PRDM5: variants seen among roughly 807,000 people sequenced by gnomAD.
PRDM5 encodes PR domain zinc finger protein 5.
PRDM5 carries 56 observed loss-of-function variants against 81.2 expected under a neutral mutation model. That is an observed-to-expected ratio of 0.69 (90% CI 0.56 to 0.86). The LOEUF is 0.86. PRDM5 is among the 40% of genes least tolerant of loss of function. PRDM5 has a pLI of 0.00. For synonymous variants in PRDM5, 267 were observed against 256.4 expected (o/e 1.04, Z -0.39); for missense variants, 697 against 770.1 (o/e 0.91, Z 1.12).
chr4:120,875,586 A>C (rs1015886787), intron 2 of PRDM5, among the ~76,000 whole-genome samples: 4 of 152,212 alleles, frequency 2.6e-5, no homozygotes, highest in African/African-American at 9.7e-5. Flanking sequence ...TTCCACAAGA[A>C]AACTGGCCAT....
intron 2 of PRDM5, among the ~76,000 whole-genome samples, chr4:120,878,299 A>T (rs2148570631): frequency 6.6e-6 from 1 of 152,350 alleles, no homozygotes; most frequent in Non-Finnish European, 1.5e-5. Context: ...AAGGAAAAGC[A>T]ATTCAATGGG....
intron 14 of PRDM5, among the ~76,000 whole-genome samples, chr4:120,727,793 C>T (rs552473374): frequency 6.6e-6 from 1 of 151,986 alleles, no homozygotes; most frequent in South Asian, 2.1e-4. Flanking sequence ...AAAAAATTAG[C>T]TGGACAGTGG....
At chr4:120,908,300 T>A (rs989211568) in intron 1 of PRDM5, among the ~76,000 whole-genome samples, 2 of 152,176 alleles carry the variant, frequency 1.3e-5, no homozygotes, top group East Asian at 3.9e-4. Flanking sequence ...TGGGAATGAG[T>A]TGAATTTGTC....
chr4:120,872,552 A>G (rs1246424013), intron 2 of PRDM5, among the ~76,000 whole-genome samples: 1 of 152,170 alleles, frequency 6.6e-6, no homozygotes. Flanking sequence ...AGAAATTGAG[A>G]CCAGTCTGGG....
chr4:120,836,954 A>T, intron 3 of PRDM5, among the ~76,000 whole-genome samples: 1 of 152,190 alleles, frequency 6.6e-6, no homozygotes, highest in East Asian at 1.9e-4. Context: ...ATAAAGGGCT[A>T]TGTGCCACAA....
intron 14 of PRDM5, among the ~76,000 whole-genome samples, chr4:120,733,101 C>T (rs1740506231): frequency 6.6e-6 from 1 of 152,128 alleles, no homozygotes; most frequent in South Asian, 2.1e-4. Context: ...TAGGTAAGTT[C>T]AAGGGATAGA....
chr4:120,775,999 A>C (rs185809540), intron 13 of PRDM5, among the ~76,000 whole-genome samples: 1 of 152,108 alleles, frequency 6.6e-6, no homozygotes, highest in Non-Finnish European at 1.5e-5. Context: ...TTTTAAGTAC[A>C]CCTGCCCTCA....
chr4:120,885,020 G>A (rs1010298497), intron 2 of PRDM5, among the ~76,000 whole-genome samples: 7 of 150,672 alleles, frequency 4.6e-5, no homozygotes, highest in African/African-American at 1.7e-4. Flanking sequence ...CACGATGGTG[G>A]GCTACTCGAG....
downstream of PRDM5, among the ~76,000 whole-genome samples, chr4:120,691,525 C>T (rs1435904260): frequency 6.6e-6 from 1 of 152,058 alleles, no homozygotes; most frequent in African/African-American, 2.4e-5. Context: ...GAAACATTTG[C>T]CATAACTTTT....
intron 13 of PRDM5, among the ~76,000 whole-genome samples, chr4:120,763,420 A>T (rs1277461534): frequency 2.6e-5 from 4 of 152,152 alleles, no homozygotes; most frequent in African/African-American, 9.7e-5. Flanking sequence ...ATTACATGTG[A>T]CTTGTCTAAG....
intron 14 of PRDM5, among the ~76,000 whole-genome samples, chr4:120,720,413 G>A (rs1738426566): frequency 6.6e-6 from 1 of 152,136 alleles, no homozygotes; most frequent in Non-Finnish European, 1.5e-5. Context: ...ACCAAAAGAT[G>A]ACTACTTGCT....
At chr4:120,720,367 G>A (rs1045327646) in intron 14 of PRDM5, among the ~76,000 whole-genome samples, 3 of 152,312 alleles carry the variant, frequency 2.0e-5, no homozygotes, top group Admixed American at 2.0e-4. Flanking sequence ...AGTCAGGTAA[G>A]ATTAGTAATC....
At chr4:120,717,908 C>T (rs996604843) in intron 14 of PRDM5, among the ~76,000 whole-genome samples, 4 of 113,026 alleles carry the variant, frequency 3.5e-5, no homozygotes, top group Non-Finnish European at 7.7e-5. Context: ...GTCACAAAAT[C>T]ATAGAATGAT....
chr4:120,821,198 T>G lies in PRDM5; in HGVS notation c.448A>C (p.Arg150=). 6.2e-7 allele frequency: 1 copy of G among 1,614,182 alleles called. No individual in the cohort carries two copies. The highest frequency in any genetic ancestry group is 8.5e-7 in the Non-Finnish European group (1 of 1,180,022). Residue 150 remains arginine, a synonymous_variant, in exon 4 of 16, where the codon AGA becomes CGA. Transcript: ENST00000264808. ...VIKEGEVENS[R]RQSTAGRKDR... is the part of the protein sequence containing the mutation. ...TTTCTGCCCGCTGTTGATTGTCTTCTAGAATTTTCAACTTCCCCTTCTTTG... is the reference window on the plus strand; with the variant it reads ...TTTCTGCCCGCTGTTGATTGTCTTCGAGAATTTTCAACTTCCCCTTCTTTG...
chr4:120,750,360 C>T lies in PRDM5; in HGVS notation c.1623+4193G>A, dbSNP rs373196956. Among the ~76,000 whole-genome samples the T allele has an allele frequency of 1.9e-4, 29 of 152,256 alleles. No homozygotes were observed. In the East Asian group the frequency reaches 4.1e-3, roughly 21 times the overall value. On this transcript the variant is annotated intron_variant, in intron 14 of 15. Transcript: ENST00000264808. Reference sequence around the variant, plus strand: ...TCTTGTGCCTAGTAACAAGCACCAGCGGGCTACTGCCAGTGGCGGGACAAA... The same window carrying T: ...TCTTGTGCCTAGTAACAAGCACCAGTGGGCTACTGCCAGTGGCGGGACAAA...
intron 14 of PRDM5, among the ~76,000 whole-genome samples, chr4:120,732,356 C>A (rs1740395326): frequency 6.6e-6 from 1 of 152,082 alleles, no homozygotes. Flanking sequence ...ATTAAGTAAT[C>A]AGATAATATT....
chr4:120,863,191 TACACACACACACAC>T (rs370387683), intron 2 of PRDM5, among the ~76,000 whole-genome samples: 25 of 70,316 alleles, frequency 3.6e-4, no homozygotes, highest in African/African-American at 1.1e-3. Flanking sequence ...TATATATATA[TACACACACACACAC>T]ACACACACAC....
At chr4:120,789,471 G>A in intron 10 of PRDM5, among the ~76,000 whole-genome samples, 1 of 152,080 alleles carries the variant, frequency 6.6e-6, no homozygotes, top group Non-Finnish European at 1.5e-5. Flanking sequence ...CTTCTTTGGG[G>A]TATGTGCAAA....
intron 3 of PRDM5, among the ~76,000 whole-genome samples, chr4:120,850,170 G>A (rs190894271): frequency 5.0e-4 from 76 of 151,928 alleles, no homozygotes; most frequent in African/African-American, 1.8e-3. Context: ...GTTTTCCACC[G>A]AGCAAGCCAC....
Sources: gnomAD v4.1 joint callset for allele counts (sites outside exome capture counted in the v4.1 genomes callset) on GRCh38, gnomAD v4.1.1 for gene constraint, MANE v1.5 for transcripts, NCBI Gene and HGNC (gene_info 2026-07-23, HGNC 2026-07-21) for gene names.